The following CACNA2D3 variants were observed in gnomAD, a reference collection of about 807,000 sequenced individuals.
CACNA2D3 encodes the protein calcium voltage-gated channel auxiliary subunit alpha2delta 3.
CACNA2D3 carries 60 observed loss-of-function variants against 160.6 expected under a neutral mutation model. The ratio of observed to expected loss-of-function variants is 0.37; its 90% confidence interval spans 0.30 to 0.46. The LOEUF is 0.46. Among genes scored for constraint, CACNA2D3 ranks in the 20% least tolerant of loss-of-function variants. The pLI is 1.00. For synonymous variants in CACNA2D3, 558 were observed against 492.9 expected, an observed-to-expected ratio of 1.13 and a Z score of -1.75; for missense variants, 1,205 against 1,365.0, an observed-to-expected ratio of 0.88 and a Z score of 1.85.
chr3:54,338,869 G>A (rs1044307879), intron 3 of CACNA2D3, among the ~76,000 whole-genome samples: 9 of 152,124 alleles, frequency 5.9e-5, no homozygotes, highest in African/African-American at 2.2e-4. Flanking sequence ...ACACGCCAAA[G>A]CCCATTAATT....
At chr3:54,384,242 C>A (rs1699153229) in intron 3 of CACNA2D3, among the ~76,000 whole-genome samples, 1 of 152,052 alleles carries the variant, frequency 6.6e-6, no homozygotes, top group South Asian at 2.1e-4. Context: ...TAGACACCAT[C>A]AAAAATCCAT....
intron 2 of CACNA2D3, among the ~76,000 whole-genome samples, chr3:54,169,279 C>G (rs1042364192): frequency 6.6e-6 from 1 of 152,128 alleles, no homozygotes; most frequent in South Asian, 2.1e-4. Flanking sequence ...TGATTAGGGT[C>G]CATGCCTACC....
intron 2 of CACNA2D3, among the ~76,000 whole-genome samples, chr3:54,125,219 GT>G (rs971846073): frequency 1.6e-4 from 23 of 145,838 alleles, no homozygotes; most frequent in Admixed American, 1.1e-3. Context: ...CATTAAATAT[GT>G]TTTTTTCTTT....
At chr3:55,020,621 G>A (rs926706361) in intron 35 of CACNA2D3, among the ~76,000 whole-genome samples, 1 of 151,836 alleles carries the variant, frequency 6.6e-6, no homozygotes, top group African/African-American at 2.4e-5. Context: ...AGGCCAAGGC[G>A]GGTGTATCAC....
At chr3:54,983,476 A>G (rs1473962933) in intron 29 of CACNA2D3, among the ~76,000 whole-genome samples, 1 of 152,210 alleles carries the variant, frequency 6.6e-6, no homozygotes, top group Non-Finnish European at 1.5e-5. Context: ...GAGCTTCTTC[A>G]AATAGCAAAG....
At chr3:54,401,550 G>T (rs1351085408) in intron 4 of CACNA2D3, among the ~76,000 whole-genome samples, 1 of 152,148 alleles carries the variant, frequency 6.6e-6, no homozygotes, top group Non-Finnish European at 1.5e-5. Context: ...GAATGTCAGT[G>T]AATTTCTTAA....
intron 2 of CACNA2D3, among the ~76,000 whole-genome samples, chr3:54,182,592 C>A (rs1700803246): frequency 2.0e-5 from 3 of 152,158 alleles, no homozygotes; most frequent in African/African-American, 7.2e-5. Flanking sequence ...CTTCTGTAGT[C>A]TGAAACAAAT....
At chr3:54,664,400 G>C (rs1275852384) in intron 11 of CACNA2D3, among the ~76,000 whole-genome samples, 1 of 152,182 alleles carries the variant, frequency 6.6e-6, no homozygotes, top group South Asian at 2.1e-4. Flanking sequence ...TCTGTCATTT[G>C]AAATTTTCAG....
chr3:54,880,681 T>C, intron 20 of CACNA2D3, 115 bp from the exon 21 acceptor site: 1 of 928,460 alleles, frequency 1.1e-6, no homozygotes, highest in Non-Finnish European at 1.8e-6. Context: ...TTGGAAAAAT[T>C]GTTGACAGAT....
chr3:54,340,782 A>G (rs576575978), intron 3 of CACNA2D3, among the ~76,000 whole-genome samples: 19 of 152,194 alleles, frequency 1.2e-4, no homozygotes, highest in African/African-American at 3.9e-4. Flanking sequence ...CTGGTTTTCC[A>G]TGGAGATCTG....
intron 9 of CACNA2D3, 24 bp from the exon 10 acceptor site, chr3:54,627,763 G>C (rs182330798): frequency 6.5e-7 from 1 of 1,529,958 alleles, no homozygotes; most frequent in African/African-American, 1.4e-5. Context: ...AGACACTAAT[G>C]GATTTTCTGC....
chr3:54,218,485 T>C (rs1410156674), intron 2 of CACNA2D3, among the ~76,000 whole-genome samples: 3 of 152,224 alleles, frequency 2.0e-5, no homozygotes, highest in Non-Finnish European at 4.4e-5. Flanking sequence ...AATTTGACCC[T>C]AGGGTGAGGT....
At chr3:54,279,648 A>G (rs559569394) in intron 2 of CACNA2D3, among the ~76,000 whole-genome samples, 5 of 152,328 alleles carry the variant, frequency 3.3e-5, no homozygotes, top group African/African-American at 7.2e-5. Context: ...ATGTAGTGCC[A>G]GCAGCCCTGT....
intron 4 of CACNA2D3, among the ~76,000 whole-genome samples, chr3:54,412,607 G>GTTTTTTTTTT (rs1342144952): frequency 4.9e-5 from 2 of 40,430 alleles, no homozygotes; most frequent in African/African-American, 7.3e-5. Flanking sequence ...TTCTGGTCTT[G>GTTTTTTTTTT]TTCTTTTTTT....
chr3:54,351,998 C>T (rs887257050), intron 3 of CACNA2D3, among the ~76,000 whole-genome samples: 5 of 152,194 alleles, frequency 3.3e-5, no homozygotes, highest in Non-Finnish European at 7.3e-5. Context: ...CCCTCCTGGT[C>T]TTCATGGCTA....
chr3:54,897,403 A>G (rs1344672216), intron 26 of CACNA2D3, among the ~76,000 whole-genome samples: 1 of 152,216 alleles, frequency 6.6e-6, no homozygotes, highest in Non-Finnish European at 1.5e-5. Context: ...TGATAGTATA[A>G]AAAATTAAAG....
At chr3:54,571,612 AGTGTGTGTGTGTGTGTGTGT>A (rs58652360) in intron 8 of CACNA2D3, among the ~76,000 whole-genome samples, 16 of 136,212 alleles carry the variant, frequency 1.2e-4, no homozygotes, top group African/African-American at 2.7e-4. Flanking sequence ...CACTTAACCA[AGTGTGTGTGTGTGTGTGTGT>A]GTGTGTGTGT....
intron 5 of CACNA2D3, among the ~76,000 whole-genome samples, chr3:54,540,703 A>G (rs1701958409): frequency 6.6e-6 from 1 of 151,720 alleles, no homozygotes; most frequent in Non-Finnish European, 1.5e-5. Context: ...GAGCTCTCTT[A>G]TGTCTCTTTT....
At chr3:54,452,971 C>G (rs1398972136) in intron 4 of CACNA2D3, among the ~76,000 whole-genome samples, 1 of 151,540 alleles carries the variant, frequency 6.6e-6, no homozygotes, top group Non-Finnish European at 1.5e-5. Context: ...CTTTCTTTCC[C>G]TCTCTTTTTC....
Sources: allele counts gnomAD v4.1 joint callset (sites outside exome capture counted in the v4.1 genomes callset), GRCh38; gene constraint gnomAD v4.1.1; transcripts MANE v1.5; gene names NCBI Gene and HGNC (gene_info 2026-07-23, HGNC 2026-07-21).